NFS1: variants seen among roughly 807,000 people sequenced by gnomAD.
NFS1 encodes NFS1 cysteine desulfurase.
NFS1 carries 26 observed loss-of-function variants against 57.3 expected under a neutral mutation model. That is an observed-to-expected ratio of 0.45 (90% confidence interval 0.33 to 0.63). The LOEUF (loss-of-function observed/expected upper bound fraction) is 0.63. Ranked by LOEUF, NFS1 falls within the 20% of genes least tolerant of loss-of-function variation. The probability of loss-of-function intolerance (pLI) is 0.02; values close to 1 mark genes in which losing one functional copy is unlikely to be tolerated. For missense variants in NFS1, 505 were observed against 605.8 expected (o/e 0.83, Z 1.75); for synonymous variants, 209 against 216.3 (o/e 0.97, Z 0.30).
intron 5 of NFS1, among the ~76,000 whole-genome samples, chr20:35,688,968 G>C (rs1269382683): frequency 6.6e-6 from 1 of 152,280 alleles, no homozygotes; most frequent in Non-Finnish European, 1.5e-5. Context: ...TTGGATTGAG[G>C]GGTCCATCTA....
rs187009907 is a variant in NFS1 at position 35,680,868 on chromosome 20, C to T, written c.659G>A (p.Arg220Gln). The change falls in exon 7 of 13, where the codon CGG becomes CAG. Residue 220 changes from arginine to glutamine, a missense_variant. Transcript: ENST00000374092. The part of the protein sequence containing the change: ...GVKQPIAEIG[R>Q]ICSSRKVYFH... ...ATATACCTTTCTGGAACTGCAAATC[C>T]GCCCTGAGGAAACAGAGGGGAAGAC... 13 of 1,513,406 alleles carry T rather than the reference C, an allele frequency of 8.6e-6. No individual in the cohort carries two copies. Among genetic ancestry groups the T allele is most frequent in the Admixed American group, 6.5e-5 (3 of 45,856 alleles). 93.7% of individuals were successfully genotyped at this position (1,513,406 alleles called of 1,614,324 possible). A position where few individuals can be genotyped will look rare whatever the true frequency, so the allele number is the denominator to read the frequency against.
At chr20:35,675,250 TA>T (rs2034722283) in intron 7 of NFS1, 48 bp from the exon 8 acceptor site, 1 of 1,504,158 alleles carries the variant, frequency 6.6e-7, no homozygotes, top group African/African-American at 1.4e-5. Context: ...GAAAAGTAGA[TA>T]AAACAAAATA....
chr20:35,697,083 G>C (rs762143360), intron 3 of NFS1, among the ~76,000 whole-genome samples: 2 of 151,874 alleles, frequency 1.3e-5, no homozygotes, highest in Non-Finnish European at 2.9e-5. Flanking sequence ...TGCAGCCTGG[G>C]TAACAAGAGC....
intron 12 of NFS1, among the ~76,000 whole-genome samples, chr20:35,671,370 G>A (rs773419933): frequency 1.3e-5 from 2 of 152,134 alleles, no homozygotes; most frequent in African/African-American, 2.4e-5. Context: ...CGAAGTGCTG[G>A]GATTACAGGC....
intron 5 of NFS1, among the ~76,000 whole-genome samples, chr20:35,683,752 A>T (rs1021718181): frequency 2.8e-5 from 4 of 141,986 alleles, no homozygotes; most frequent in African/African-American, 1.1e-4. Context: ...ACTGCACTCC[A>T]TGCACTCCAG....
At chr20:35,694,648 G>C (rs1320692129) in intron 4 of NFS1, 2 of 151,900 alleles carry the variant, frequency 1.3e-5, no homozygotes, top group African/African-American at 2.4e-5. Context: ...GGGGCACTTT[G>C]GGAGGCCGAG....
rs138646150 is a variant in NFS1, at chr20:35,680,803, G to A, written c.724C>T (p.Leu242Phe). Residue 242 changes from leucine (L) to phenylalanine (F), a missense_variant, in exon 7 of 13, where the codon CTT becomes TTT. By Grantham distance (22) the Leu-to-Phe change is conservative (BLOSUM62 0). Transcript: ENST00000374092. ...DAAQAVGKIP[L>F]DVNDMKIDLM... The stretch of plus-strand genomic sequence containing the variant: ...TCAATTTTCATGTCATTGACATCAA[G>A]TGGGATTTTTCCAACAGCCTGGGCT... 2.2e-5 allele frequency: 35 copies of A among 1,582,262 alleles called. 1 individual carries two copies. The Middle Eastern group carries it at 1.0e-3, about 45-fold the overall frequency.
chr20:35,693,738 C>T (rs1487601663), intron 4 of NFS1, among the ~76,000 whole-genome samples: 3 of 152,102 alleles, frequency 2.0e-5, no homozygotes, highest in Non-Finnish European at 2.9e-5. Flanking sequence ...CCAAGGCAGG[C>T]GGATCACAAG....
chr20:35,675,005 C>G, intron 8 of NFS1, 40 bp downstream of exon 8: 1 of 1,613,420 alleles, frequency 6.2e-7, no homozygotes. Flanking sequence ...AGACCCAGCA[C>G]AGGGGAAGAA....
Position 35,681,902 on chromosome 20 carries a change from G to T in NFS1, c.641C>A (p.Pro214His). 6.2e-7 allele frequency: 1 copy of T among 1,608,922 alleles called. No homozygotes were observed. The highest frequency in any genetic ancestry group is 1.1e-5 in the South Asian group (1 of 90,926). Residue 214 changes from proline (P) to histidine (H), a missense_variant, in exon 6 of 13, where the codon CCT becomes CAT. Physicochemically the swap from Pro to His is moderately conservative, Grantham distance 77. Coordinates refer to ENST00000374092, the MANE Select transcript of NFS1 (RefSeq NM_021100.5). ...ATGATACTCACCTATTTCTGCAATA[G>T]GCTGCTTCACTCCAATCTCATTGTT... is the stretch of plus-strand genomic sequence containing the variant. ...TVNNEIGVKQ[P>H]IAEIGRICSS...
At chr20:35,674,974 G>T in intron 8 of NFS1, 71 bp downstream of exon 8, 1 of 1,587,606 alleles carries the variant, frequency 6.3e-7, no homozygotes, top group Non-Finnish European at 8.6e-7. Context: ...CCTCAGTCAT[G>T]CTGAGAAGCC....
intron 5 of NFS1, among the ~76,000 whole-genome samples, chr20:35,686,398 G>A (rs928178774): frequency 1.4e-5 from 2 of 148,002 alleles, no homozygotes; most frequent in African/African-American, 5.0e-5. Flanking sequence ...AAAATACATA[G>A]CTTTCTTTTA....
At chr20:35,673,006 G>A (rs1213937334) in intron 11 of NFS1, among the ~76,000 whole-genome samples, 162 bp from the exon 12 acceptor site, 2 of 152,142 alleles carry the variant, frequency 1.3e-5, no homozygotes, top group Non-Finnish European at 2.9e-5. Flanking sequence ...TATATGGATC[G>A]GCCGGGCATG....
chr20:35,697,908 G>T, intron 2 of NFS1, 108 bp from the exon 3 acceptor site: 2 of 693,728 alleles, frequency 2.9e-6, no homozygotes, highest in South Asian at 1.8e-5. Context: ...AACCCCTCAG[G>T]CACTGCCTAG....
intron 12 of NFS1, among the ~76,000 whole-genome samples, chr20:35,671,050 T>C (rs998516851): frequency 3.3e-5 from 5 of 152,198 alleles, no homozygotes; most frequent in Admixed American, 1.3e-4. Flanking sequence ...CTGTGGCTAC[T>C]AGGGGAAGCC....
chr20:35,678,704 A>G (rs2034799119), intron 7 of NFS1, among the ~76,000 whole-genome samples: 3 of 149,906 alleles, frequency 2.0e-5, no homozygotes, highest in Non-Finnish European at 3.0e-5. Context: ...CTTTGTCTCA[A>G]AAAAAAAAAT....
intron 10 of NFS1, 62 bp from the exon 11 acceptor site, chr20:35,673,746 C>T: frequency 2.9e-6 from 4 of 1,375,910 alleles, no homozygotes; most frequent in Non-Finnish European, 4.1e-6. Context: ...AGTCACAAAC[C>T]CTCAGTCTTG....
intron 2 of NFS1, 125 bp downstream of exon 2, chr20:35,698,356 C>A: frequency 2.7e-6 from 2 of 742,456 alleles, no homozygotes; most frequent in Non-Finnish European, 2.2e-6. Flanking sequence ...CCCGACTCCT[C>A]GCTCAGTGCT....
chr20:35,680,950 T>A (rs2146420738), intron 6 of NFS1, 79 bp from the exon 7 acceptor site: 1 of 1,115,140 alleles, frequency 9.0e-7, no homozygotes, highest in Middle Eastern at 2.7e-4. Flanking sequence ...CTGTGAATTA[T>A]CTCCAATAGT....
Sources: gnomAD v4.1 joint callset for allele counts (sites outside exome capture counted in the v4.1 genomes callset) on GRCh38, gnomAD v4.1.1 for gene constraint, MANE v1.5 for transcripts, NCBI Gene and HGNC (gene_info 2026-07-23, HGNC 2026-07-21) for gene names.